Variants in THADA observed in about 807,000 individuals in gnomAD.
The protein encoded by THADA is THADA armadillo repeat containing, also known as tRNA (32-2'-O)-methyltransferase regulator THADA.
Under a neutral mutation model 219.8 loss-of-function variants are expected in THADA, and 213 were observed. The ratio of observed to expected loss-of-function variants is 0.97; its 90% confidence interval spans 0.87 to 1.09. The LOEUF (loss-of-function observed/expected upper bound fraction) is 1.09, where lower values mean the gene tolerates loss of function less well. Ranked by LOEUF, THADA falls within the 50% of genes least tolerant of loss-of-function variation. THADA has a pLI of 0.00. For synonymous variants in THADA, 1,018 were observed against 828.9 expected, an observed-to-expected ratio of 1.23 and a Z score of -3.92; for missense variants, 2,956 against 2,311.3, an observed-to-expected ratio of 1.28 and a Z score of -5.72.
intron 23 of THADA, among the ~76,000 whole-genome samples, chr2:43,507,426 T>C (rs766064975): frequency 1.8e-4 from 28 of 152,148 alleles, no homozygotes; most frequent in Non-Finnish European, 3.5e-4. Context: ...GACAGACAAA[T>C]GACACGTAAA....
chr2:43,471,780 T>C (rs933939628), intron 26 of THADA, among the ~76,000 whole-genome samples: 11 of 152,238 alleles, frequency 7.2e-5, no homozygotes, highest in African/African-American at 2.7e-4. Flanking sequence ...ATCACTATTG[T>C]CACTTCACAA....
intron 30 of THADA, among the ~76,000 whole-genome samples, chr2:43,328,014 G>T (rs1192334313): frequency 6.6e-6 from 1 of 152,178 alleles, no homozygotes; most frequent in African/African-American, 2.4e-5. Context: ...GTGGATAGGA[G>T]TTAGGAGGTA....
chr2:43,385,594 G>C (rs562993493), intron 29 of THADA, among the ~76,000 whole-genome samples: 6 of 127,838 alleles, frequency 4.7e-5, no homozygotes, highest in Admixed American at 1.8e-4. Flanking sequence ...GCAACAGAGC[G>C]AGACTCCGTC....
At chr2:43,305,676 G>C (rs1676771506) in intron 31 of THADA, among the ~76,000 whole-genome samples, 2 of 152,116 alleles carry the variant, frequency 1.3e-5, no homozygotes, top group South Asian at 4.1e-4. Context: ...GGAGACAGCA[G>C]AGCCAGAAGA....
intron 28 of THADA, among the ~76,000 whole-genome samples, chr2:43,427,765 G>A (rs1011612256): frequency 2.0e-5 from 3 of 149,558 alleles, no homozygotes; most frequent in African/African-American, 7.3e-5. Flanking sequence ...GACCATTCTG[G>A]CTAACACAGT....
chr2:43,328,562 T>C (rs954865554), intron 30 of THADA, among the ~76,000 whole-genome samples: 2 of 152,226 alleles, frequency 1.3e-5, no homozygotes, highest in African/African-American at 2.4e-5. Context: ...TGAGCTACCA[T>C]GCACAAAGTG....
chr2:43,352,201 C>T (rs548612939), intron 29 of THADA, among the ~76,000 whole-genome samples: 5 of 152,168 alleles, frequency 3.3e-5, no homozygotes, highest in South Asian at 2.1e-4. Flanking sequence ...CTTCAACTAC[C>T]GAGTTTTCTG....
chr2:43,312,597 A>G (rs1381359345), intron 31 of THADA, among the ~76,000 whole-genome samples: 2 of 152,310 alleles, frequency 1.3e-5, no homozygotes, highest in East Asian at 3.9e-4. Flanking sequence ...CAGCTAGGAA[A>G]CATCTGTTAT....
intron 29 of THADA, among the ~76,000 whole-genome samples, chr2:43,361,483 T>A (rs1363599855): frequency 2.0e-5 from 3 of 152,230 alleles, no homozygotes; most frequent in Admixed American, 2.0e-4. Context: ...GGAGACTCAC[T>A]TCACTCCTCT....
intron 26 of THADA, among the ~76,000 whole-genome samples, chr2:43,464,167 C>T (rs1274731886): frequency 6.6e-6 from 1 of 152,156 alleles, no homozygotes; most frequent in Non-Finnish European, 1.5e-5. Flanking sequence ...CTACTCCCAT[C>T]CCAGTGGGTA....
chr2:43,386,026 C>T (rs1180531539), intron 29 of THADA, among the ~76,000 whole-genome samples: 2 of 151,960 alleles, frequency 1.3e-5, no homozygotes, highest in Non-Finnish European at 2.9e-5. Context: ...TTCTAAATAC[C>T]TATTCCATAT....
Position 43,591,988 on chromosome 2 carries a change from G to T in THADA, c.135C>A (p.Leu45=). 1 of 1,561,332 alleles carries T rather than the reference G, an allele frequency of 6.4e-7. No individual in the cohort carries two copies. Among genetic ancestry groups the T allele is most frequent in the East Asian group, 2.3e-5 (1 of 43,440 alleles). The change falls in exon 3 of 38, where the codon CTC becomes CTA. Residue 45 remains leucine (L), a synonymous_variant. Coordinates refer to ENST00000405975, the MANE Select transcript of THADA (RefSeq NM_022065.5). ...LASLLLHCVQ[L]TDGVSQIHYI... ...AATGGATTTGTGACACTCCATCCGT[G>T]AGTTGCACACAATGTAACAGCAAAG...
intron 20 of THADA, among the ~76,000 whole-genome samples, chr2:43,544,467 G>A (rs1414243942): frequency 1.3e-5 from 2 of 152,178 alleles, no homozygotes; most frequent in South Asian, 4.1e-4. Flanking sequence ...ACCTTGGGCA[G>A]TATGGCCACT....
At chr2:43,355,256 G>C (rs1044378666) in intron 29 of THADA, among the ~76,000 whole-genome samples, 21 of 152,138 alleles carry the variant, frequency 1.4e-4, no homozygotes, top group African/African-American at 4.6e-4. Context: ...ATACCTAGTA[G>C]TGGGATTGCT....
rs370100401 is a variant in THADA at position 43,549,266 on chromosome 2, T to C, written c.3050A>G (p.Asp1017Gly). 1.1e-5 allele frequency: 17 copies of C among 1,594,584 alleles called. No homozygotes were observed. In the African/African-American group the frequency reaches 2.0e-4, roughly 19 times the overall value. The stretch of plus-strand genomic sequence containing the variant: ...CACACTAGCATTCAAGTCCTTCATA[T>C]CAAAGCTATCATGTTCTTTCAATAT... The part of the protein sequence containing the change: ...AKILKEHDSF[D>G]MKDLNASVVN... The change falls in exon 20 of 38, where the codon GAT becomes GGT. Residue 1017 changes from aspartate to glycine, a missense_variant. By Grantham distance (94) the Asp-to-Gly change is moderately conservative. Coordinates refer to ENST00000405975, the MANE Select transcript of THADA (RefSeq NM_022065.5).
chr2:43,464,283 C>T (rs1303696152), intron 26 of THADA, among the ~76,000 whole-genome samples: 1 of 151,738 alleles, frequency 6.6e-6, no homozygotes, highest in Non-Finnish European at 1.5e-5. Context: ...TGCTTCTATC[C>T]ATTAATACTC....
In THADA at chr2:43,566,766, G is replaced by T. The variant is rs1302830465; in HGVS notation, c.2243C>A (p.Ser748Tyr). 1.9e-5 allele frequency: 29 copies of T among 1,556,848 alleles called. No individual in the cohort carries two copies. Among genetic ancestry groups the T allele is most frequent in the Non-Finnish European group, 2.5e-5 (29 of 1,159,954 alleles). ...SLFEALFPGS[S>Y]YSTRFSALTI... ...TAAAGCTGAAAATCTAGTCGAGTAG[G>T]AAGATCCAGGAAACAATGCTTCAAA... The change falls in exon 15 of 38, where the codon TCC becomes TAC. Residue 748 changes from serine (S) to tyrosine (Y), a missense_variant. By Grantham distance (144) the Ser-to-Tyr change is moderately radical. Transcript: ENST00000405975.
intron 26 of THADA, among the ~76,000 whole-genome samples, chr2:43,466,964 C>T (rs946573776): frequency 6.6e-5 from 10 of 151,696 alleles, no homozygotes; most frequent in Admixed American, 2.6e-4. Flanking sequence ...GGGCGGATCA[C>T]GAGGTCAGGA....
intron 30 of THADA, among the ~76,000 whole-genome samples, chr2:43,329,050 G>A (rs184736469): frequency 1.2e-3 from 181 of 152,300 alleles, no homozygotes; most frequent in South Asian, 3.9e-3. Flanking sequence ...TTTGTTCAAA[G>A]CCTGGGGAAA....
Sources: gnomAD v4.1 joint callset for allele counts (sites outside exome capture counted in the v4.1 genomes callset) on GRCh38, gnomAD v4.1.1 for gene constraint, MANE v1.5 for transcripts, NCBI Gene and HGNC (gene_info 2026-07-23, HGNC 2026-07-21) for gene names.